EMC8: variants seen among roughly 807,000 people sequenced by gnomAD.
EMC8 encodes the protein COX4 neighbor.
In EMC8, 11 loss-of-function variants were observed where a neutral mutation model predicts 24.3. That is an observed-to-expected ratio of 0.45 (90% CI 0.28 to 0.75). The LOEUF (loss-of-function observed/expected upper bound fraction) is 0.75. EMC8 is among the 30% of genes least tolerant of loss of function. The pLI, the probability that EMC8 is intolerant of heterozygous loss-of-function variation, is 0.12. For missense variants in EMC8, 277 were observed against 282.7 expected, an observed-to-expected ratio of 0.98 and a Z score of 0.14; for synonymous variants, 145 against 117.7, an observed-to-expected ratio of 1.23 and a Z score of -1.50.
intron 4 of EMC8, 55 bp from the exon 5 acceptor site, chr16:85,779,922 A>G (rs1033788313): frequency 1.3e-5 from 20 of 1,519,936 alleles, no homozygotes; most frequent in Non-Finnish European, 1.7e-5. Context: ...GGCGGCTTGT[A>G]ACAGCATCAA....
At position 85,799,230 on chromosome 16, in the gene EMC8, C is replaced by A. The variant is rs1266376750; in HGVS notation, c.66G>T (p.Pro22=). ...CKMVLHGAKY[P]HCAVNGLLVA... is the part of the protein sequence containing the mutation. ...CCAGGAGCCCGTTGACGGCGCAGTG[C>A]GGGTACTTGGCGCCGTGCAGCACCA... is the stretch of plus-strand genomic sequence containing the variant. The change falls in exon 1 of 5, where the codon CCG becomes CCT. Residue 22 remains proline, a synonymous_variant. Transcript: ENST00000253457. The surrounding 1 kb of genome is among the most constrained non-coding windows in gnomAD (Gnocchi z 4.2). The A allele has an allele frequency of 2.5e-6, 4 of 1,613,098 alleles. No homozygotes were observed. The East Asian group carries it at 6.7e-5, about 27-fold the overall frequency.
Position 85,799,321 on chromosome 16 carries a change from C to T in EMC8, c.-26G>A, listed in dbSNP as rs1329090588. ...GCTGACCCGGGAGGGCCCCGGAGGC[C>T]CCTGGGCGCGCGGCTGAGGCCTGGA... On this transcript the variant is annotated 5_prime_UTR_variant, in exon 1 of 5. Coordinates refer to ENST00000253457, the MANE Select transcript of EMC8 (RefSeq NM_006067.5). This position sits in a 1 kb window ranked among gnomAD's most constrained non-coding sequence, Gnocchi z 4.2. 1.3e-6 allele frequency: 2 copies of T among 1,530,184 alleles called. No homozygotes were observed. The highest frequency in any genetic ancestry group is 1.8e-6 in the Non-Finnish European group (2 of 1,129,504). 94.8% of individuals were successfully genotyped at this position (1,530,184 alleles called of 1,614,324 possible).
intron 2 of EMC8, among the ~76,000 whole-genome samples, chr16:85,782,368 T>C (rs1904548352): frequency 6.6e-6 from 1 of 152,202 alleles, no homozygotes. Flanking sequence ...CTTAAGTTAA[T>C]AGAGCTAATA....
At chr16:85,779,935 G>C in intron 4 of EMC8, 68 bp from the exon 5 acceptor site, 1 of 1,360,726 alleles carries the variant, frequency 7.3e-7, no homozygotes, top group Non-Finnish European at 1.0e-6. Context: ...AGCATCAAGA[G>C]AGAAGGCCAG....
At chr16:85,787,019 C>G (rs1904785900) in intron 2 of EMC8, among the ~76,000 whole-genome samples, 1 of 152,084 alleles carries the variant, frequency 6.6e-6, no homozygotes, top group East Asian at 1.9e-4. Flanking sequence ...TCTGCAGGGA[C>G]AGCCACGGCA....
At chr16:85,788,332 C>T (rs912778453) in intron 2 of EMC8, among the ~76,000 whole-genome samples, 8 of 152,258 alleles carry the variant, frequency 5.3e-5, no homozygotes, top group African/African-American at 1.7e-4. Context: ...GTTTACAGCA[C>T]GACCCCCTGT....
At chr16:85,790,069 GT>G (rs1236854783) in intron 1 of EMC8, among the ~76,000 whole-genome samples, 1 of 151,890 alleles carries the variant, frequency 6.6e-6, no homozygotes, top group Non-Finnish European at 1.5e-5. Flanking sequence ...AGCTCATCCT[GT>G]TTTGGCATAA....
intron 1 of EMC8, among the ~76,000 whole-genome samples, chr16:85,789,881 G>A (rs910604040): frequency 6.6e-6 from 1 of 152,126 alleles, no homozygotes. Flanking sequence ...TGGGGTGTAG[G>A]GTAAAGAGGT....
intron 2 of EMC8, among the ~76,000 whole-genome samples, chr16:85,788,431 G>A (rs1343649560): frequency 6.6e-6 from 1 of 152,266 alleles, no homozygotes; most frequent in East Asian, 1.9e-4. Flanking sequence ...CTGTTTTTCT[G>A]TTGGGACCAA....
rs760594183 is a variant in EMC8, at chr16:85,779,706, G to A, written c.*2C>T. 13 of 1,613,882 alleles carry A rather than the reference G, an allele frequency of 8.1e-6. No homozygotes were observed. The South Asian group carries it at 1.3e-4, about 16-fold the overall frequency. On this transcript the variant is annotated 3_prime_UTR_variant, in exon 5 of 5. Coordinates refer to ENST00000253457, the MANE Select transcript of EMC8 (RefSeq NM_006067.5). ...CCGGAGCCCAGTCACAGCGGTGCCT[G>A]CCTAGCACAAGTGTAGGACAGCTTT...
chr16:85,798,461 T>C (rs1340185164), intron 1 of EMC8, among the ~76,000 whole-genome samples: 4 of 152,088 alleles, frequency 2.6e-5, no homozygotes, highest in African/African-American at 9.7e-5. Flanking sequence ...ATGGAAACAT[T>C]CTAGATAAGT....
At chr16:85,782,981 G>T (rs1309875007) in intron 2 of EMC8, among the ~76,000 whole-genome samples, 2 of 152,132 alleles carry the variant, frequency 1.3e-5, no homozygotes, top group African/African-American at 4.8e-5. Flanking sequence ...AATTTCTACG[G>T]TCACTCGCTC....
intron 2 of EMC8, 57 bp downstream of exon 2, chr16:85,788,917 G>C (rs1392854725): frequency 8.1e-7 from 1 of 1,227,510 alleles, no homozygotes; most frequent in African/African-American, 1.5e-5. Context: ...ACGAGAGACG[G>C]GGTCTGCCCA....
chr16:85,784,817 G>C (rs1260413825), intron 2 of EMC8: 1 of 152,210 alleles, frequency 6.6e-6, no homozygotes, highest in African/African-American at 2.4e-5. Flanking sequence ...TGAAGAGCTT[G>C]CAAAGCCCTT....
At chr16:85,791,114 C>T (rs963315275) in intron 1 of EMC8, among the ~76,000 whole-genome samples, 3 of 131,834 alleles carry the variant, frequency 2.3e-5, no homozygotes, top group Non-Finnish European at 5.1e-5. Context: ...AGGCACAAGC[C>T]ACCATGCCCA....
chr16:85,799,414 C>T lies in EMC8; in HGVS notation c.-119G>A, dbSNP rs1320665700. 1.2e-5 allele frequency: 7 copies of T among 576,228 alleles called. No individual in the cohort carries two copies. The highest frequency in any genetic ancestry group is 1.6e-5 in the Non-Finnish European group (6 of 364,552). 35.7% of individuals were successfully genotyped at this position (576,228 alleles called of 1,614,324 possible). A position where few individuals can be genotyped will look rare whatever the true frequency, so the allele number is the denominator to read the frequency against. Reference sequence around the variant, plus strand: ...GAGGCGGCGGCGATTGATGGCGCGGCCGCGGGCTGGCGGGGGACCCTTCAG... The same window carrying T: ...GAGGCGGCGGCGATTGATGGCGCGGTCGCGGGCTGGCGGGGGACCCTTCAG... On this transcript the variant is annotated 5_prime_UTR_variant, in exon 1 of 5. Coordinates refer to ENST00000253457, the MANE Select transcript of EMC8 (RefSeq NM_006067.5). The surrounding 1 kb of genome is among the most constrained non-coding windows in gnomAD (Gnocchi z 4.2).
intron 1 of EMC8, among the ~76,000 whole-genome samples, chr16:85,790,712 C>G (rs775397278): frequency 5.3e-5 from 8 of 152,210 alleles, no homozygotes; most frequent in Non-Finnish European, 1.2e-4. Flanking sequence ...ATCTCTGCCC[C>G]CCGGGTGTCC....
intron 1 of EMC8, among the ~76,000 whole-genome samples, chr16:85,794,962 C>G (rs1279941191): frequency 6.6e-6 from 1 of 152,172 alleles, no homozygotes; most frequent in Non-Finnish European, 1.5e-5. Context: ...TCTTTCCTCC[C>G]TGGTAAGTGG....
At chr16:85,791,036 C>G (rs1904986054) in intron 1 of EMC8, among the ~76,000 whole-genome samples, 1 of 152,040 alleles carries the variant, frequency 6.6e-6, no homozygotes, top group African/African-American at 2.4e-5. Context: ...TCATGTTGCC[C>G]AGGCTGATCT....
Sources: gnomAD v4.1 joint callset for allele counts (sites outside exome capture counted in the v4.1 genomes callset) on GRCh38, gnomAD v4.1.1 for gene constraint, Gnocchi (gnomAD v3.1) non-coding constraint, MANE v1.5 for transcripts, NCBI Gene and HGNC (gene_info 2026-07-23, HGNC 2026-07-21) for gene names.